ZKSCAN3: variants seen among roughly 807,000 people sequenced by gnomAD.
ZKSCAN3 encodes the protein zinc finger protein with KRAB and SCAN domains 3.
ZKSCAN3 carries 21 observed loss-of-function variants against 30.7 expected under a neutral mutation model. The observed-to-expected ratio is 0.68, with a 90% CI of 0.49 to 0.99. The LOEUF (loss-of-function observed/expected upper bound fraction) is 0.99, where lower values mean the gene tolerates loss of function less well. ZKSCAN3 is among the 50% of genes least tolerant of loss of function. The pLI is 0.00. For synonymous variants in ZKSCAN3, 201 were observed against 246.7 expected, an observed-to-expected ratio of 0.81 and a Z score of 1.73; for missense variants, 507 against 647.1, an observed-to-expected ratio of 0.78 and a Z score of 2.35.
chr6:28,355,574 T>C (rs1408362509), intron 1 of ZKSCAN3: 1 of 152,208 alleles, frequency 6.6e-6, no homozygotes, highest in African/African-American at 2.4e-5. Context: ...CAGCTACCCA[T>C]AGGGCTTGTG....
rs1581744285 is a variant in ZKSCAN3 at position 28,366,356 on chromosome 6, C to T, written c.*71C>T. The T allele has an allele frequency of 6.9e-7, 1 of 1,447,096 alleles. No homozygotes were observed. The highest frequency in any genetic ancestry group is 9.1e-7 in the Non-Finnish European group (1 of 1,098,142). 89.6% of individuals were successfully genotyped at this position (1,447,096 alleles called of 1,614,324 possible). A position where few individuals can be genotyped will look rare whatever the true frequency, so the allele number is the denominator to read the frequency against. On this transcript the variant is annotated 3_prime_UTR_variant, in exon 6 of 6. Coordinates refer to ENST00000252211, the MANE Select transcript of ZKSCAN3 (RefSeq NM_024493.4). ...GAAGCCACTCCCCCTGGAGTCTCAA[C>T]TATAGAAATTGTGGGCTGGGCTTTA...
intron 1 of ZKSCAN3, among the ~76,000 whole-genome samples, chr6:28,357,675 G>A (rs912544248): frequency 6.6e-6 from 1 of 152,164 alleles, no homozygotes; most frequent in African/African-American, 2.4e-5. Context: ...TAGAATCAGG[G>A]ACTAAGGACT....
Position 28,361,368 on chromosome 6 carries a change from GGCACTATTGACAC to G in ZKSCAN3, c.448_460del (p.Ala150GlnfsTer12). On this transcript the variant is annotated frameshift_variant, in exon 3 of 6. Transcript: ENST00000252211. LOFTEE classifies it high-confidence loss of function. ...GGCAAGAACTGCTCTGTTGCAAGAT[GGCACTATTGACAC>G]CAGCCCCAGGGTCACAAAGTAGCCA... The G allele has an allele frequency of 6.2e-7, 1 of 1,613,960 alleles. No individual in the cohort carries two copies. Among genetic ancestry groups the G allele is most frequent in the Non-Finnish European group, 8.5e-7 (1 of 1,179,970 alleles).
chr6:28,353,155 G>T (rs903871007), intron 1 of ZKSCAN3, among the ~76,000 whole-genome samples: 3 of 151,962 alleles, frequency 2.0e-5, no homozygotes, highest in African/African-American at 7.3e-5. Flanking sequence ...TTTTAGTAGA[G>T]ACGGGGTTTC....
At position 28,363,809 on chromosome 6, in the gene ZKSCAN3, T is replaced by A. The variant is rs1225783225; in HGVS notation, c.751T>A (p.Ser251Thr). Residue 251 changes from serine to threonine, a missense_variant, in exon 5 of 6, where the codon TCC becomes ACC. Physicochemically the swap from Ser to Thr is moderately conservative, Grantham distance 58. Coordinates refer to ENST00000252211, the MANE Select transcript of ZKSCAN3 (RefSeq NM_024493.4). ...EKQENHGSLV[S>T]LGDEKQTKSR... The stretch of plus-strand genomic sequence containing the variant: ...GCAGGAGAACCATGGCAGCCTGGTC[T>A]CCCTGGGTAAGACTAAAGGACACTA... 1.6e-5 allele frequency: 26 copies of A among 1,613,828 alleles called. No homozygotes were observed. Among genetic ancestry groups the A allele is most frequent in the Non-Finnish European group, 2.1e-5 (25 of 1,179,792 alleles).
chr6:28,350,768 A>C (rs546825437), intron 1 of ZKSCAN3, among the ~76,000 whole-genome samples: 1 of 152,208 alleles, frequency 6.6e-6, no homozygotes, highest in Non-Finnish European at 1.5e-5. Flanking sequence ...TCTATATTTT[A>C]GGAGGGAAAA....
rs1765054408 is a variant in ZKSCAN3 at position 28,351,922 on chromosome 6, AC to A, written c.-63+1856del. On this transcript the variant is annotated intron_variant, in intron 1 of 5. Coordinates refer to ENST00000252211, the MANE Select transcript of ZKSCAN3 (RefSeq NM_024493.4). This position sits in a 1 kb window ranked among gnomAD's most constrained non-coding sequence, Gnocchi z 4.6. ...ATCATGATCACACGCAAAAAAATTG[AC>A]AATAATTCCTTGATATCATTATCTT... is the stretch of plus-strand genomic sequence containing the variant. Among the ~76,000 whole-genome samples the A allele has an allele frequency of 6.6e-6, 1 of 152,124 alleles. No homozygotes were observed. The highest frequency in any genetic ancestry group is 2.4e-5 in the African/African-American group (1 of 41,440).
chr6:28,365,141 C>A (rs1046314554), intron 5 of ZKSCAN3, among the ~76,000 whole-genome samples: 37 of 152,076 alleles, frequency 2.4e-4, no homozygotes, highest in Non-Finnish European at 1.3e-4. Context: ...CCAGCATAGT[C>A]CTGGATCCAA....
chr6:28,356,158 G>A (rs1765407412), intron 1 of ZKSCAN3: 1 of 152,226 alleles, frequency 6.6e-6, no homozygotes, highest in African/African-American at 2.4e-5. Flanking sequence ...GTCCCCCCAA[G>A]CCTGGCACCT....
intron 1 of ZKSCAN3, among the ~76,000 whole-genome samples, chr6:28,358,209 A>T (rs1193472224): frequency 1.9e-4 from 29 of 152,118 alleles, no homozygotes; most frequent in East Asian, 3.9e-4. Context: ...TAAGAGATGG[A>T]GTCTCTGCAC....
chr6:28,365,838 A>C lies in ZKSCAN3; in HGVS notation c.1170A>C (p.Arg390Ser). The C allele has an allele frequency of 6.2e-7, 1 of 1,614,180 alleles. No homozygotes were observed. Among genetic ancestry groups the C allele is most frequent in the Non-Finnish European group, 8.5e-7 (1 of 1,180,018 alleles). ...GCTCAGACCTTATCAAGCATCAGAG[A>C]ACCCACACTGGGGAGAAGCCCTATG... ...SHSSDLIKHQ[R>S]THTGEKPYEC... The change falls in exon 6 of 6, where the codon AGA (arginine) becomes AGC (serine). Residue 390 changes from arginine to serine, a missense_variant. Transcript: ENST00000252211.
chr6:28,361,161 A>G (rs1012733146), intron 2 of ZKSCAN3, among the ~76,000 whole-genome samples, 163 bp from the exon 3 acceptor site: 2 of 152,156 alleles, frequency 1.3e-5, no homozygotes, highest in African/African-American at 2.4e-5. Flanking sequence ...TAATTTCCCT[A>G]TCAGTAAAAT....
At chr6:28,363,631 A>T in intron 4 of ZKSCAN3, 61 bp from the exon 5 acceptor site, 2 of 1,607,058 alleles carry the variant, frequency 1.2e-6, no homozygotes, top group Non-Finnish European at 1.7e-6. Context: ...TGCTTCCCAG[A>T]TCTTCCCCAC....
intron 5 of ZKSCAN3, 108 bp from the exon 6 acceptor site, chr6:28,365,318 C>A: frequency 1.4e-6 from 2 of 1,449,460 alleles, no homozygotes; most frequent in Non-Finnish European, 9.3e-7. Context: ...CACTTAAATC[C>A]TCATCCCAGG....
chr6:28,356,248 G>A (rs1185578773), intron 1 of ZKSCAN3: 1 of 152,240 alleles, frequency 6.6e-6, no homozygotes, highest in Non-Finnish European at 1.5e-5. Context: ...GGAACGCTCC[G>A]GCGGGACCTA....
chr6:28,363,903 C>T (rs1355118311), intron 5 of ZKSCAN3, 88 bp downstream of exon 5: 146 of 1,519,326 alleles, frequency 9.6e-5, no homozygotes, highest in Non-Finnish European at 5.9e-5. Flanking sequence ...GCTGTTGAGC[C>T]CTGTTATGTT....
chr6:28,363,334 A>ATGC lies in ZKSCAN3; in HGVS notation c.586_588dup (p.Cys196dup), dbSNP rs543187143. The ATGC allele has an allele frequency of 7.4e-4, 1,193 of 1,613,966 alleles. No homozygotes were observed. The highest frequency in any genetic ancestry group is 8.6e-4 in the Non-Finnish European group (1,012 of 1,179,968). Reference sequence around the variant, plus strand: ...AGGTCCCCGTGCTTGCCCATGGAGGATGCTGCAGAGAAGATAAAGTGGTAG... The same window carrying ATGC: ...AGGTCCCCGTGCTTGCCCATGGAGGATGCTGCTGCAGAGAAGATAAAGTGGTAG... On this transcript the variant is annotated inframe_insertion, in exon 4 of 6. Transcript: ENST00000252211.
At chr6:28,350,940 A>G (rs972525851) in intron 1 of ZKSCAN3, among the ~76,000 whole-genome samples, 21 of 152,168 alleles carry the variant, frequency 1.4e-4, no homozygotes, top group African/African-American at 5.1e-4. Context: ...GTGAAAAAGG[A>G]CTAGGACCCC....
In ZKSCAN3 at chr6:28,365,824, A is replaced by T. The variant is rs1765939202; in HGVS notation, c.1156A>T (p.Ile386Phe). ...GGCCTTCAGTCATAGCTCAGACCTT[A>T]TCAAGCATCAGAGAACCCACACTGG... ...GKAFSHSSDL[I>F]KHQRTHTGEK... Residue 386 changes from isoleucine (I) to phenylalanine (F), a missense_variant, in exon 6 of 6, where the codon ATC becomes TTC. Ile to Phe is a conservative substitution (Grantham distance 21). Coordinates refer to ENST00000252211, the MANE Select transcript of ZKSCAN3 (RefSeq NM_024493.4). 1 of 1,614,098 alleles carries T rather than the reference A, an allele frequency of 6.2e-7. No individual in the cohort carries two copies. The highest frequency in any genetic ancestry group is 8.5e-7 in the Non-Finnish European group (1 of 1,179,996).
Sources: allele counts gnomAD v4.1 joint callset (sites outside exome capture counted in the v4.1 genomes callset), GRCh38; gene constraint gnomAD v4.1.1; non-coding constraint Gnocchi (gnomAD v3.1); transcripts MANE v1.5; gene names NCBI Gene and HGNC (gene_info 2026-07-23, HGNC 2026-07-21).